Variants in MTUS1 observed in about 807,000 individuals in gnomAD.
The protein encoded by MTUS1 is microtubule-associated tumor suppressor 1.
MTUS1 carries 109 observed loss-of-function variants against 120.8 expected under a neutral mutation model. The ratio of observed to expected loss-of-function variants is 0.90; its 90% CI spans 0.77 to 1.06. The LOEUF is 1.06. Among genes scored for constraint, MTUS1 ranks in the 50% least tolerant of loss-of-function variants. MTUS1 has a pLI of 0.00. For missense variants in MTUS1, 2,210 were observed against 1,486.3 expected (o/e 1.49, Z -8.01); for synonymous variants, 737 against 550.5 (o/e 1.34, Z -4.74).
At chr8:17,676,803 G>A (rs1339068602) in intron 7 of MTUS1, among the ~76,000 whole-genome samples, 4 of 152,134 alleles carry the variant, frequency 2.6e-5, no homozygotes, top group African/African-American at 7.2e-5. Context: ...TACTAAATGA[G>A]GTTATGAACT....
intron 8 of MTUS1, among the ~76,000 whole-genome samples, chr8:17,660,098 T>C (rs112129355): frequency 0.03 from 4,609 of 152,026 alleles, 249 homozygotes; most frequent in African/African-American, 0.1. Flanking sequence ...GTTGGCCGGG[T>C]GCAGTGGCTC....
intron 1 of MTUS1, among the ~76,000 whole-genome samples, chr8:17,786,449 G>A (rs1045500340): frequency 6.6e-6 from 1 of 152,138 alleles, no homozygotes; most frequent in Non-Finnish European, 1.5e-5. Context: ...TGAGGAAGGA[G>A]GAAATCCATC....
At chr8:17,773,989 G>GC (rs2050208433) in intron 1 of MTUS1, among the ~76,000 whole-genome samples, 1 of 152,118 alleles carries the variant, frequency 6.6e-6, no homozygotes, top group Non-Finnish European at 1.5e-5. Context: ...TCCCCACTGT[G>GC]CAGCCCTCAC....
chr8:17,747,459 T>C (rs1350646624), intron 2 of MTUS1, among the ~76,000 whole-genome samples: 3 of 152,120 alleles, frequency 2.0e-5, no homozygotes, highest in Non-Finnish European at 2.9e-5. Context: ...GTTTACTGTA[T>C]TGATAGAGGC....
At position 17,743,717 on chromosome 8, in the gene MTUS1, G is replaced by T. The variant is rs562956062; in HGVS notation, c.2174C>A (p.Pro725Gln). Residue 725 changes from proline (P) to glutamine (Q), a missense_variant, in exon 3 of 15, where the codon CCA becomes CAA. Physicochemically the swap from Pro to Gln is moderately conservative, Grantham distance 76. Transcript: ENST00000693296. ...DSCGLRQIAAPKAKVGPPVSC... is the reference protein window; with the variant it reads ...DSCGLRQIAAQKAKVGPPVSC... ...AACAGGGGGCCCCACTTTGGCTTTT[G>T]GAGCAGCTATTTGCCTCAAACCGCA... is the stretch of plus-strand genomic sequence containing the variant. The T allele has an allele frequency of 2.5e-6, 4 of 1,614,116 alleles. No homozygotes were observed. In the South Asian group the frequency reaches 3.3e-5, roughly 13 times the overall value.
chr8:17,650,625 A>C (rs1806778207), intron 12 of MTUS1, among the ~76,000 whole-genome samples: 1 of 152,166 alleles, frequency 6.6e-6, no homozygotes, highest in Admixed American at 6.6e-5. Context: ...CGGGAGGATC[A>C]ACTGAGCCAG....
chr8:17,721,824 G>C (rs773157054), intron 4 of MTUS1: 2 of 1,613,944 alleles, frequency 1.2e-6, no homozygotes, highest in Admixed American at 3.3e-5. Context: ...CAGCCGGTGG[G>C]GTGAGTGTAG....
At chr8:17,696,160 C>T (rs1340700582) in intron 6 of MTUS1, among the ~76,000 whole-genome samples, 4 of 152,262 alleles carry the variant, frequency 2.6e-5, no homozygotes, top group Non-Finnish European at 4.4e-5. Context: ...TGACCTCCTC[C>T]TCGCTGCCTC....
intron 3 of MTUS1, among the ~76,000 whole-genome samples, chr8:17,731,333 C>T (rs2131176266): frequency 6.6e-6 from 1 of 152,282 alleles, no homozygotes; most frequent in South Asian, 2.1e-4. Context: ...TTCTGCACTT[C>T]TGTTTTCTCA....
chr8:17,703,175 A>T (rs58435342), intron 6 of MTUS1, among the ~76,000 whole-genome samples: 1 of 152,306 alleles, frequency 6.6e-6, no homozygotes, highest in East Asian at 1.9e-4. Flanking sequence ...GAATACAGCC[A>T]TATTTTTCTT....
chr8:17,754,003 G>T lies in MTUS1; in HGVS notation c.1805C>A (p.Pro602Gln). 1 of 1,614,156 alleles carries T rather than the reference G, an allele frequency of 6.2e-7. No individual in the cohort carries two copies. Among genetic ancestry groups the T allele is most frequent in the Non-Finnish European group, 8.5e-7 (1 of 1,180,026 alleles). ...THSKNASHRV[P>Q]RTTSAVKSNQ... Reference sequence around the variant, plus strand: ...CGATTTCACGGCAGATGTTGTTCTTGGAACCCTGTGTGAAGCATTTTTAGA... The same window carrying T: ...CGATTTCACGGCAGATGTTGTTCTTTGAACCCTGTGTGAAGCATTTTTAGA... The change falls in exon 2 of 15, where the codon CCA becomes CAA. Residue 602 changes from proline to glutamine, a missense_variant. Coordinates refer to ENST00000693296, the MANE Select transcript of MTUS1 (RefSeq NM_001363059.2).
Position 17,645,680 on chromosome 8 carries a change from C to A in MTUS1, c.*246G>T. ...GTTCTTTAAGTGCTTTGTGCAACAA[C>A]GTCCGTGTCGATGCCGAAATCTTTT... On this transcript the variant is annotated 3_prime_UTR_variant, in exon 15 of 15. Coordinates refer to ENST00000693296, the MANE Select transcript of MTUS1 (RefSeq NM_001363059.2). The A allele has an allele frequency of 2.3e-6, 1 of 442,728 alleles. No homozygotes were observed. The allele number at this position is 442,728 out of a possible 1,614,324, so 27.4% of individuals were successfully genotyped here.
chr8:17,724,451 C>G (rs180842721), intron 3 of MTUS1, among the ~76,000 whole-genome samples: 1 of 152,002 alleles, frequency 6.6e-6, no homozygotes, highest in African/African-American at 2.4e-5. Flanking sequence ...TGAAAAATGC[C>G]TAATGTTCTA....
intron 6 of MTUS1, among the ~76,000 whole-genome samples, chr8:17,686,269 G>T (rs1466657075): frequency 6.6e-6 from 1 of 152,196 alleles, no homozygotes; most frequent in Non-Finnish European, 1.5e-5. Context: ...ACACATTTTG[G>T]AAAGCGGATT....
chr8:17,669,182 A>T (rs1811503609), intron 8 of MTUS1, among the ~76,000 whole-genome samples: 1 of 152,242 alleles, frequency 6.6e-6, no homozygotes. Context: ...GGGTGCTTTG[A>T]AAAGCACACT....
chr8:17,766,195 T>C (rs1303201970), intron 1 of MTUS1, among the ~76,000 whole-genome samples: 5 of 152,162 alleles, frequency 3.3e-5, no homozygotes, highest in Non-Finnish European at 7.4e-5. Context: ...CATACGGTAT[T>C]AGCAAAAACA....
chr8:17,787,277 C>A (rs1475313957), intron 1 of MTUS1, among the ~76,000 whole-genome samples: 1 of 152,232 alleles, frequency 6.6e-6, no homozygotes, highest in Non-Finnish European at 1.5e-5. Flanking sequence ...CCACAGTGTT[C>A]CCACAGTCAT....
chr8:17,738,781 G>C (rs749343903), intron 3 of MTUS1, among the ~76,000 whole-genome samples: 1 of 152,052 alleles, frequency 6.6e-6, no homozygotes, highest in Non-Finnish European at 1.5e-5. Flanking sequence ...ACCAAGGCCT[G>C]AAAAGAAAAG....
In MTUS1 at chr8:17,646,068, G is replaced by A. The variant is rs752744675; in HGVS notation, c.3671C>T (p.Ser1224Phe). Reference protein sequence around the residue: ...EKESKVNKRLSMENEELLWKL... With the variant: ...EKESKVNKRLFMENEELLWKL... Reference sequence around the variant, plus strand: ...CCACAGAAGCTCCTCGTTTTCCATAGAGAGTCGCTTGTTGACTTTCGACTC... The same window carrying A: ...CCACAGAAGCTCCTCGTTTTCCATAAAGAGTCGCTTGTTGACTTTCGACTC... The change falls in exon 15 of 15, where the codon TCT becomes TTT. Residue 1224 changes from serine (S) to phenylalanine (F), a missense_variant. Coordinates refer to ENST00000693296, the MANE Select transcript of MTUS1 (RefSeq NM_001363059.2). 4.3e-6 allele frequency: 7 copies of A among 1,613,530 alleles called. No homozygotes were observed. The highest frequency in any genetic ancestry group is 5.9e-6 in the Non-Finnish European group (7 of 1,179,852).
Sources: allele counts gnomAD v4.1 joint callset (sites outside exome capture counted in the v4.1 genomes callset), GRCh38; gene constraint gnomAD v4.1.1; transcripts MANE v1.5; gene names NCBI Gene and HGNC (gene_info 2026-07-23, HGNC 2026-07-21).